RAPGEF5: variants seen among roughly 807,000 people sequenced by gnomAD.
RAPGEF5 encodes the protein M-Ras-regulated GEF.
A neutral mutation model predicts 125.2 loss-of-function variants in RAPGEF5; 65 were observed. The ratio of observed to expected loss-of-function variants is 0.52; its 90% CI spans 0.43 to 0.64. RAPGEF5 has a LOEUF of 0.64. Among genes scored for constraint, RAPGEF5 ranks in the 30% least tolerant of loss-of-function variants. The pLI is 0.00. For missense variants in RAPGEF5, 958 were observed against 1,048.1 expected (o/e 0.91, Z 1.19); for synonymous variants, 391 against 385.9 (o/e 1.01, Z -0.16).
At chr7:22,130,733 C>CTCTGGA (rs1325277008) in intron 24 of RAPGEF5, among the ~76,000 whole-genome samples, 1 of 152,164 alleles carries the variant, frequency 6.6e-6, no homozygotes, top group Admixed American at 6.5e-5. Flanking sequence ...ACAGTTTTAG[C>CTCTGGA]TCTGGTTCAA....
intron 1 of RAPGEF5, chr7:22,356,624 A>T (rs1010735914): frequency 1.8e-5 from 1 of 55,338 alleles, no homozygotes; most frequent in Non-Finnish European, 2.7e-5. Flanking sequence ...GGTGGGGGGG[A>T]GGTGTGGGGG....
intron 9 of RAPGEF5, among the ~76,000 whole-genome samples, chr7:22,195,741 A>G (rs2128126822): frequency 6.6e-6 from 1 of 152,316 alleles, no homozygotes; most frequent in South Asian, 2.1e-4. Context: ...AAAAAACGAA[A>G]AACAAAAAAC....
At chr7:22,286,779 G>A (rs1773100861) in intron 6 of RAPGEF5, among the ~76,000 whole-genome samples, 1 of 152,162 alleles carries the variant, frequency 6.6e-6, no homozygotes, top group Non-Finnish European at 1.5e-5. Flanking sequence ...GTTGTAATAT[G>A]AATATTTTAA....
chr7:22,330,832 T>C (rs1187450213), intron 1 of RAPGEF5, among the ~76,000 whole-genome samples: 1 of 152,232 alleles, frequency 6.6e-6, no homozygotes, highest in African/African-American at 2.4e-5. Context: ...TGAAGGCACA[T>C]GGTCAATGTC....
At chr7:22,216,427 A>G (rs1270157182) in intron 9 of RAPGEF5, among the ~76,000 whole-genome samples, 3 of 152,150 alleles carry the variant, frequency 2.0e-5, no homozygotes, top group Admixed American at 6.5e-5. Context: ...CCAGGACTGC[A>G]GTCATGTATC....
chr7:22,313,489 C>A (rs959700569), intron 3 of RAPGEF5, among the ~76,000 whole-genome samples: 8 of 152,134 alleles, frequency 5.3e-5, no homozygotes, highest in Non-Finnish European at 1.2e-4. Flanking sequence ...TTAATGAGTC[C>A]TTAGATTAGA....
At chr7:22,175,542 C>G (rs1338053254) in intron 11 of RAPGEF5, among the ~76,000 whole-genome samples, 2 of 152,090 alleles carry the variant, frequency 1.3e-5, no homozygotes, top group African/African-American at 4.8e-5. Context: ...GGGCACGAAG[C>G]CTTCAGCACC....
intron 1 of RAPGEF5, among the ~76,000 whole-genome samples, chr7:22,337,761 C>T (rs937622034): frequency 6.6e-6 from 1 of 152,160 alleles, no homozygotes; most frequent in Admixed American, 6.5e-5. Context: ...GCGTGATGGG[C>T]AAAGCCAGTG....
intron 1 of RAPGEF5, among the ~76,000 whole-genome samples, chr7:22,332,082 A>T (rs1199185864): frequency 1.3e-5 from 2 of 152,208 alleles, no homozygotes; most frequent in African/African-American, 4.8e-5. Flanking sequence ...ATGATGAAAA[A>T]TTTTATCTTA....
chr7:22,278,070 G>C (rs1386974029), intron 6 of RAPGEF5, among the ~76,000 whole-genome samples: 2 of 152,076 alleles, frequency 1.3e-5, no homozygotes, highest in Non-Finnish European at 2.9e-5. Context: ...CCTAGCTCTG[G>C]AACATGATTT....
In RAPGEF5 at chr7:22,162,367, A is replaced by T. The variant is rs1407111605; in HGVS notation, c.1428+30T>A. The T allele has an allele frequency of 4.6e-6, 7 of 1,529,726 alleles. No individual in the cohort carries two copies. The Admixed American group carries it at 8.7e-5, about 19-fold the overall frequency. 94.8% of individuals were successfully genotyped at this position (1,529,726 alleles called of 1,614,324 possible). Reference sequence around the variant, plus strand: ...CTAAAAATAGAATCAGTTATTTGGCATCAAAGAATATCTGGAAATGTTTGA... The same window carrying T: ...CTAAAAATAGAATCAGTTATTTGGCTTCAAAGAATATCTGGAAATGTTTGA... On this transcript the variant is annotated intron_variant, in intron 13 of 25. Coordinates refer to ENST00000665637, the MANE Select transcript of RAPGEF5 (RefSeq NM_012294.5).
intron 6 of RAPGEF5, among the ~76,000 whole-genome samples, chr7:22,269,527 G>A (rs1185846406): frequency 6.6e-6 from 1 of 152,176 alleles, no homozygotes; most frequent in Non-Finnish European, 1.5e-5. Flanking sequence ...AGAAAGGACC[G>A]AGGGGAGAGA....
chr7:22,190,163 C>G (rs548086130), intron 11 of RAPGEF5, among the ~76,000 whole-genome samples: 1 of 152,174 alleles, frequency 6.6e-6, no homozygotes, highest in African/African-American at 2.4e-5. Context: ...CCCTGTAATC[C>G]CAGCTACTCT....
At chr7:22,308,862 C>T (rs932314517) in intron 4 of RAPGEF5, among the ~76,000 whole-genome samples, 8 of 152,116 alleles carry the variant, frequency 5.3e-5, no homozygotes, top group Non-Finnish European at 8.8e-5. Flanking sequence ...TACAGAAATA[C>T]AACATAATGG....
intron 1 of RAPGEF5, among the ~76,000 whole-genome samples, chr7:22,351,730 T>C (rs987086242): frequency 2.0e-5 from 3 of 152,374 alleles, no homozygotes; most frequent in Non-Finnish European, 2.9e-5. Flanking sequence ...ATGCTTTGCC[T>C]GTAAAATAGG....
intron 7 of RAPGEF5, among the ~76,000 whole-genome samples, chr7:22,243,826 C>T (rs1786402164): frequency 6.6e-6 from 1 of 152,132 alleles, no homozygotes; most frequent in Admixed American, 6.5e-5. Context: ...ATAGATACTA[C>T]ATTATTATTA....
chr7:22,265,907 T>G (rs1439851815), intron 7 of RAPGEF5, among the ~76,000 whole-genome samples: 1 of 152,198 alleles, frequency 6.6e-6, no homozygotes, highest in African/African-American at 2.4e-5. Context: ...TTATTCATGC[T>G]GCCTTCTGTT....
At chr7:22,328,284 C>G (rs1220312754) in intron 1 of RAPGEF5, among the ~76,000 whole-genome samples, 1 of 152,246 alleles carries the variant, frequency 6.6e-6, no homozygotes, top group South Asian at 2.1e-4. Flanking sequence ...TCCCATCAAG[C>G]ATCTTTTGGA....
At chr7:22,285,969 T>C (rs1046814424) in intron 6 of RAPGEF5, among the ~76,000 whole-genome samples, 2 of 152,224 alleles carry the variant, frequency 1.3e-5, no homozygotes, top group Non-Finnish European at 2.9e-5. Flanking sequence ...GGGTGAGTTC[T>C]GTCATGGAAC....
Sources: gnomAD v4.1 joint callset for allele counts (sites outside exome capture counted in the v4.1 genomes callset) on GRCh38, gnomAD v4.1.1 for gene constraint, MANE v1.5 for transcripts, NCBI Gene and HGNC (gene_info 2026-07-23, HGNC 2026-07-21) for gene names.